The following SPNS3 variants were observed in gnomAD, a reference collection of about 807,000 sequenced individuals.
SPNS3 encodes the protein SPNS lysolipid transporter 3, sphingosine-1-phosphate (putative), also known as protein spinster homolog 3.
In SPNS3, 51 loss-of-function variants were observed where a neutral mutation model predicts 54.4. The observed-to-expected ratio is 0.94, with a 90% CI of 0.75 to 1.18. The LOEUF is 1.18. Among genes scored for constraint, SPNS3 ranks in the 50% most tolerant of loss-of-function variants. SPNS3 has a pLI of 0.00. For missense variants in SPNS3, 669 were observed against 677.4 expected (o/e 0.99, Z 0.14); for synonymous variants, 309 against 294.7 (o/e 1.05, Z -0.50).
At chr17:4,449,428 G>A (rs759581281) in intron 7 of SPNS3, 41 bp downstream of exon 7, 2 of 1,539,234 alleles carry the variant, frequency 1.3e-6, no homozygotes, top group East Asian at 4.6e-5. Flanking sequence ...GCCCGGCTCG[G>A]GGGCTCTTGC....
At chr17:4,478,724 C>T (rs995524399) in intron 9 of SPNS3, 87 bp downstream of exon 9, 24 of 1,371,716 alleles carry the variant, frequency 1.7e-5, no homozygotes, top group African/African-American at 8.6e-5. Context: ...GCACTGGCGG[C>T]GACATCAGAG....
chr17:4,450,354 CCT>C lies in SPNS3; in HGVS notation c.923+981_923+982del, dbSNP rs58694489. On this transcript the variant is annotated intron_variant, in intron 7 of 11. Coordinates refer to ENST00000355530, the MANE Select transcript of SPNS3 (RefSeq NM_182538.5). ...CTCCCTCTCCCTCTCCCTCTCCCCTCCTCTCTCTCTCTCTCCCTACCCCTCCC... is the reference window on the plus strand; with the variant it reads ...CTCCCTCTCCCTCTCCCTCTCCCCTCCTCTCTCTCTCTCCCTACCCCTCCC... Among the ~76,000 whole-genome samples the C allele has an allele frequency of 5.6e-4, 68 of 122,304 alleles. 1 individual carries two copies. The highest frequency in any genetic ancestry group is 2.2e-3 in the Admixed American group (24 of 11,150). The allele number at this position is 122,304 out of a possible 152,430, so 80.2% of individuals were successfully genotyped here.
chr17:4,438,522 C>T (rs916151353), intron 1 of SPNS3, among the ~76,000 whole-genome samples: 4 of 152,224 alleles, frequency 2.6e-5, no homozygotes, highest in African/African-American at 9.6e-5. Flanking sequence ...TCTAGGACAC[C>T]AAGAGGCTAT....
chr17:4,467,727 G>A (rs1971721170), intron 8 of SPNS3, among the ~76,000 whole-genome samples: 1 of 152,206 alleles, frequency 6.6e-6, no homozygotes, highest in African/African-American at 2.4e-5. Flanking sequence ...GGAGTGCGGT[G>A]TGATCTCGGC....
Position 4,449,282 on chromosome 17 carries a change from T to C in SPNS3, c.818T>C (p.Val273Ala). The change falls in exon 7 of 12, where the codon GTG becomes GCG. Residue 273 changes from valine (V) to alanine (A), a missense_variant. Physicochemically the swap from Val to Ala is moderately conservative, Grantham distance 64 (BLOSUM62 0). Coordinates refer to ENST00000355530, the MANE Select transcript of SPNS3 (RefSeq NM_182538.5). The part of the protein sequence containing the change: ...STLGVTAMAF[V>A]TGALGFWAPK... Reference sequence around the variant, plus strand: ...CTCGGAGTGACCGCCATGGCCTTTGTGACTGGAGCCCTGGGGTTCTGGGCC... The same window carrying C: ...CTCGGAGTGACCGCCATGGCCTTTGCGACTGGAGCCCTGGGGTTCTGGGCC... 1 of 1,612,718 alleles carries C rather than the reference T, an allele frequency of 6.2e-7. No individual in the cohort carries two copies.
At chr17:4,465,588 A>G (rs1365084808) in intron 8 of SPNS3, among the ~76,000 whole-genome samples, 2 of 152,144 alleles carry the variant, frequency 1.3e-5, no homozygotes, top group Non-Finnish European at 2.9e-5. Flanking sequence ...TTAGCCTGGC[A>G]TGATGGCAGG....
At position 4,483,701 on chromosome 17, in the gene SPNS3, T is replaced by C. The variant is rs2144237986; in HGVS notation, c.1180-2527T>C. 1 of 152,362 alleles carries C rather than the reference T, an allele frequency of 6.6e-6. No individual in the cohort carries two copies. Among genetic ancestry groups the C allele is most frequent in the East Asian group, 1.9e-4 (1 of 5,190 alleles). The allele number at this position is 152,362 out of a possible 1,614,324, so 9.4% of individuals were successfully genotyped here. ...CTTGGGGAAGGTGCAAAGCTGTTGG[T>C]CAGTTCCTTCTCAGGCCTGTTGACA... On this transcript the variant is annotated intron_variant, in intron 9 of 11. Coordinates refer to ENST00000355530, the MANE Select transcript of SPNS3 (RefSeq NM_182538.5). The surrounding 1 kb of genome is among the most constrained non-coding windows in gnomAD (Gnocchi z 4.2).
intron 8 of SPNS3, among the ~76,000 whole-genome samples, chr17:4,458,796 G>A (rs1971417570): frequency 6.6e-6 from 1 of 151,448 alleles, no homozygotes; most frequent in Non-Finnish European, 1.5e-5. Context: ...TGGAATTCAG[G>A]CATGTGTCAC....
At position 4,443,929 on chromosome 17, in the gene SPNS3, C is replaced by T. The variant is rs557896910; in HGVS notation, c.266-1103C>T. Among the ~76,000 whole-genome samples the T allele has an allele frequency of 2.0e-4, 30 of 152,222 alleles. No homozygotes were observed. The East Asian group carries it at 5.6e-3, about 29-fold the overall frequency. On this transcript the variant is annotated intron_variant, in intron 2 of 11. Transcript: ENST00000355530. ...CAGCCTGCACAAGATGGTGAAACCC[C>T]GTCTGTGCAAAAACTACAAAAATTA...
intron 5 of SPNS3, 115 bp from the exon 6 acceptor site, chr17:4,448,040 A>C (rs1407500061): frequency 6.6e-6 from 7 of 1,055,278 alleles, no homozygotes; most frequent in Non-Finnish European, 5.1e-6. Context: ...CACTACCCCC[A>C]GGGCTTGGAA....
chr17:4,446,844 G>A (rs1971003774), intron 4 of SPNS3, 52 bp from the exon 5 acceptor site: 3 of 1,566,768 alleles, frequency 1.9e-6, no homozygotes, highest in Admixed American at 1.7e-5. Flanking sequence ...GGTGGGGTCT[G>A]CCTTCCGCCT....
chr17:4,461,250 C>T (rs1971491520), intron 8 of SPNS3, among the ~76,000 whole-genome samples: 1 of 150,574 alleles, frequency 6.6e-6, no homozygotes, highest in African/African-American at 2.4e-5. Context: ...TTTTCTTGGT[C>T]AGTTTATCTA....
intron 1 of SPNS3, among the ~76,000 whole-genome samples, chr17:4,439,073 C>T (rs1970782720): frequency 6.6e-6 from 1 of 151,268 alleles, no homozygotes; most frequent in Admixed American, 6.6e-5. Context: ...GCTTATGTGT[C>T]AGTGTGTGTG....
At chr17:4,444,913 C>A (rs1401178770) in intron 2 of SPNS3, 119 bp from the exon 3 acceptor site, 1 of 1,202,436 alleles carries the variant, frequency 8.3e-7, no homozygotes, top group Non-Finnish European at 1.2e-6. Context: ...ATACCCTGGG[C>A]CCACTGCCAA....
Position 4,486,376 on chromosome 17 carries a change from G to A in SPNS3, c.1279-36G>A. 10 of 1,596,386 alleles carry A rather than the reference G, an allele frequency of 6.3e-6. No individual in the cohort carries two copies. The highest frequency in any genetic ancestry group is 1.1e-5 in the South Asian group (1 of 89,402). On this transcript the variant is annotated intron_variant, in intron 10 of 11. Transcript: ENST00000355530. This position sits in a 1 kb window ranked among gnomAD's most constrained non-coding sequence, Gnocchi z 5.5. ...GTGGGGAGGGTCTGGGGGCCAGGCT[G>A]GTGGGCCTGGCAGACTCATCCCTTC...
At chr17:4,448,700 G>A (rs556696244) in intron 6 of SPNS3, among the ~76,000 whole-genome samples, 2 of 152,214 alleles carry the variant, frequency 1.3e-5, no homozygotes, top group African/African-American at 2.4e-5. Flanking sequence ...GCCTCATGGC[G>A]TGCATGATCC....
At chr17:4,437,022 C>A (rs1299910220) in intron 1 of SPNS3, among the ~76,000 whole-genome samples, 2 of 152,230 alleles carry the variant, frequency 1.3e-5, no homozygotes, top group East Asian at 3.8e-4. Flanking sequence ...GGTCCCTTCT[C>A]CATCAGCACT....
intron 2 of SPNS3, among the ~76,000 whole-genome samples, chr17:4,442,605 T>C (rs561958913): frequency 1.3e-5 from 2 of 152,142 alleles, no homozygotes; most frequent in East Asian, 3.9e-4. Context: ...CAGCCACCCA[T>C]GGGATAGAGA....
At chr17:4,472,413 CG>C (rs1229043881) in intron 8 of SPNS3, among the ~76,000 whole-genome samples, 1 of 152,060 alleles carries the variant, frequency 6.6e-6, no homozygotes, top group Admixed American at 6.6e-5. Context: ...TTTCTGTTGC[CG>C]GAGGGAAATG....
Sources: gnomAD v4.1 joint callset for allele counts (sites outside exome capture counted in the v4.1 genomes callset) on GRCh38, gnomAD v4.1.1 for gene constraint, Gnocchi (gnomAD v3.1) non-coding constraint, MANE v1.5 for transcripts, NCBI Gene and HGNC (gene_info 2026-07-23, HGNC 2026-07-21) for gene names.